SRRM3: variants seen among roughly 807,000 people sequenced by gnomAD.
The protein encoded by SRRM3 is serine/arginine repetitive matrix 3, also known as serine/arginine repetitive matrix protein 3.
In SRRM3, 27 loss-of-function variants were observed where a neutral mutation model predicts 66.2. That is an observed-to-expected ratio of 0.41 (90% CI 0.30 to 0.56). SRRM3 has a LOEUF of 0.56. Ranked by LOEUF, SRRM3 falls within the 20% of genes least tolerant of loss-of-function variation. SRRM3 has a pLI of 0.32. For synonymous variants in SRRM3, 391 were observed against 414.9 expected (o/e 0.94, Z 0.70); for missense variants, 918 against 991.9 (o/e 0.93, Z 1.00).
intron 11 of SRRM3, among the ~76,000 whole-genome samples, chr7:76,278,313 C>G (rs1341475916): frequency 6.6e-6 from 1 of 152,064 alleles, no homozygotes; most frequent in Admixed American, 6.6e-5. Context: ...TTGGTGAAAC[C>G]CTGTCTCTAC....
At chr7:76,205,586 T>C (rs1554601057) in intron 1 of SRRM3, among the ~76,000 whole-genome samples, 1 of 152,160 alleles carries the variant, frequency 6.6e-6, no homozygotes, top group Non-Finnish European at 1.5e-5. Flanking sequence ...CTCAATCACC[T>C]CACCTCTGTT....
chr7:76,251,266 G>A (rs1801573955), intron 3 of SRRM3, among the ~76,000 whole-genome samples: 1 of 152,224 alleles, frequency 6.6e-6, no homozygotes, highest in East Asian at 1.9e-4. Flanking sequence ...GTTTTCACAA[G>A]GGGGTAAAAC....
rs1414980573 is a variant in SRRM3 at position 76,252,027 on chromosome 7, C to T, written c.335+3738C>T. 3.9e-5 allele frequency among the ~76,000 whole-genome samples: 6 copies of T among 152,072 alleles called. 1 individual carries two copies. Among genetic ancestry groups the T allele is most frequent in the Admixed American group, 2.0e-4 (3 of 15,266 alleles). On this transcript the variant is annotated intron_variant, in intron 3 of 14. Coordinates refer to ENST00000611745, the MANE Select transcript of SRRM3 (RefSeq NM_001110199.3). ...TGGAGTTTGCACTGAGCCAAGATCA[C>T]GCAACCACACTACAGCCTTGGCAAC...
Position 76,284,172 on chromosome 7 carries a change from C to CTT in SRRM3, c.1733+1089_1733+1090dup, listed in dbSNP as rs61170781. 2.5e-4 allele frequency among the ~76,000 whole-genome samples: 34 copies of CTT among 134,614 alleles called. 1 individual carries two copies. The highest frequency in any genetic ancestry group is 1.3e-3 in the East Asian group (6 of 4,590). The allele number at this position is 134,614 out of a possible 152,430, so 88.3% of individuals were successfully genotyped here. ...GAGAAGCCAGATTGTGCTACTGCTT[C>CTT]TTTTTTTTTTTTTTTTTTTAAGACG... On this transcript the variant is annotated intron_variant, in intron 14 of 14. Transcript: ENST00000611745.
At chr7:76,251,615 C>T (rs1801584360) in intron 3 of SRRM3, among the ~76,000 whole-genome samples, 1 of 151,978 alleles carries the variant, frequency 6.6e-6, no homozygotes, top group African/African-American at 2.4e-5. Flanking sequence ...ACCTTGTGAT[C>T]CGCCTGCCTT....
At position 76,281,530 on chromosome 7, in the gene SRRM3, G is replaced by A. The variant is rs1213077371; in HGVS notation, c.1098G>A (p.Pro366=). Reference sequence around the variant, plus strand: ...CGCGGGGGAAGGAGAGCCCGAGCCCGCGCTCGGCGCCGTCGTCCCAAGGTC... The same window carrying A: ...CGCGGGGGAAGGAGAGCCCGAGCCCACGCTCGGCGCCGTCGTCCCAAGGTC... The part of the protein sequence containing the change: ...PPARGKESPS[P]RSAPSSQGRG... Residue 366 remains proline (P), a synonymous_variant, in exon 12 of 15, where the codon CCG becomes CCA. Coordinates refer to ENST00000611745, the MANE Select transcript of SRRM3 (RefSeq NM_001110199.3). 42 of 1,173,174 alleles carry A rather than the reference G, an allele frequency of 3.6e-5. No homozygotes were observed. Among genetic ancestry groups the A allele is most frequent in the Non-Finnish European group, 4.3e-5 (41 of 949,426 alleles). The allele number at this position is 1,173,174 out of a possible 1,614,324, so 72.7% of individuals were successfully genotyped here. A position where few individuals can be genotyped will look rare whatever the true frequency, so the allele number is the denominator to read the frequency against.
intron 2 of SRRM3, among the ~76,000 whole-genome samples, chr7:76,243,225 C>G (rs1554605809): frequency 6.6e-6 from 1 of 152,178 alleles, no homozygotes; most frequent in African/African-American, 2.4e-5. Context: ...GGCCACAGAA[C>G]TGGGAAGTGG....
At chr7:76,218,730 T>C (rs1326209514) in intron 1 of SRRM3, among the ~76,000 whole-genome samples, 1 of 147,450 alleles carries the variant, frequency 6.8e-6, no homozygotes, top group Non-Finnish European at 1.5e-5. Context: ...CCAGGCTGGA[T>C]TGCAGTGGTG....
chr7:76,249,902 A>G (rs1174343274), intron 3 of SRRM3, among the ~76,000 whole-genome samples: 1 of 152,078 alleles, frequency 6.6e-6, no homozygotes, highest in African/African-American at 2.4e-5. Flanking sequence ...AATAAATCTT[A>G]GCCTACATGC....
Position 76,264,831 on chromosome 7 carries a change from A to G in SRRM3, c.725+16A>G. ...AGAAGAAGAGGTAAGCGCCCTCCCTACTCTCCAGCCCCCCATTCGTTCTCC... is the reference window on the plus strand; with the variant it reads ...AGAAGAAGAGGTAAGCGCCCTCCCTGCTCTCCAGCCCCCCATTCGTTCTCC... On this transcript the variant is annotated intron_variant, in intron 9 of 14. Transcript: ENST00000611745. 2 of 1,612,654 alleles carry G rather than the reference A, an allele frequency of 1.2e-6. No homozygotes were observed. Among genetic ancestry groups the G allele is most frequent in the South Asian group, 2.2e-5 (2 of 91,016 alleles).
intron 3 of SRRM3, among the ~76,000 whole-genome samples, chr7:76,248,807 C>T (rs552297815): frequency 6.6e-6 from 1 of 151,908 alleles, no homozygotes; most frequent in South Asian, 2.1e-4. Flanking sequence ...CGTCGAAACC[C>T]TGTCTCTACT....
intron 1 of SRRM3, among the ~76,000 whole-genome samples, chr7:76,216,326 C>T (rs1554602593): frequency 6.6e-6 from 1 of 152,032 alleles, no homozygotes; most frequent in Non-Finnish European, 1.5e-5. Context: ...GGATTACAGG[C>T]GTGAGCCACC....
intron 11 of SRRM3, among the ~76,000 whole-genome samples, chr7:76,279,265 A>G (rs1300129632): frequency 1.3e-5 from 2 of 151,996 alleles, no homozygotes; most frequent in African/African-American, 4.8e-5. Context: ...TCTCAAAAAG[A>G]AAGAAAAAAG....
chr7:76,214,820 G>T (rs139136114), intron 1 of SRRM3, among the ~76,000 whole-genome samples: 114 of 152,116 alleles, frequency 7.5e-4, no homozygotes, highest in African/African-American at 2.7e-3. Flanking sequence ...TGTTGCCCAG[G>T]CTGGTCTAGA....
At chr7:76,283,774 T>TG in intron 14 of SRRM3, 1 of 985,420 alleles carries the variant, frequency 1.0e-6, no homozygotes, top group South Asian at 4.7e-5. Context: ...AGGGCGTGGC[T>TG]GGTGAAGCCA....
Position 76,285,936 on chromosome 7 carries a change from G to A in SRRM3, c.*93G>A. 1 of 1,342,492 alleles carries A rather than the reference G, an allele frequency of 7.4e-7. No individual in the cohort carries two copies. Among genetic ancestry groups the A allele is most frequent in the Non-Finnish European group, 1.0e-6 (1 of 993,676 alleles). The allele number at this position is 1,342,492 out of a possible 1,614,324, so 83.2% of individuals were successfully genotyped here. A position where few individuals can be genotyped will look rare whatever the true frequency, so the allele number is the denominator to read the frequency against. On this transcript the variant is annotated 3_prime_UTR_variant, in exon 15 of 15. Transcript: ENST00000611745. The surrounding 1 kb of genome is among the most constrained non-coding windows in gnomAD (Gnocchi z 4.1). ...AGTGGGGAGGGGGCTATATCTCCTT[G>A]CCCCCAAGGCTACAAAGAGGTCTCA...
intron 3 of SRRM3, 64 bp from the exon 4 acceptor site, chr7:76,259,842 G>C (rs915754615): frequency 1.9e-6 from 3 of 1,595,232 alleles, no homozygotes; most frequent in Non-Finnish European, 2.5e-6. Context: ...GGCCCCCTGC[G>C]CCGAGAAAAG....
In SRRM3 at chr7:76,261,771, T is replaced by G. The variant is rs372755655; in HGVS notation, c.674+190T>G. ...CATGAAAACCAACTGTTTGCAACCCTTGCCTGCCCCATGCATCAGCCATGA... is the reference window on the plus strand; with the variant it reads ...CATGAAAACCAACTGTTTGCAACCCGTGCCTGCCCCATGCATCAGCCATGA... On this transcript the variant is annotated intron_variant, in intron 8 of 14. Transcript: ENST00000611745. Among the ~76,000 whole-genome samples the G allele has an allele frequency of 1.6e-4, 25 of 152,048 alleles. No individual in the cohort carries two copies. The East Asian group carries it at 2.7e-3, about 17-fold the overall frequency.
In SRRM3 at chr7:76,282,948, C is replaced by T. The variant is rs1802565669; in HGVS notation, c.1596-16C>T. 7.5e-7 allele frequency: 1 copy of T among 1,329,746 alleles called. No individual in the cohort carries two copies. Among genetic ancestry groups the T allele is most frequent in the South Asian group, 2.0e-5 (1 of 50,280 alleles). 82.4% of individuals were successfully genotyped at this position (1,329,746 alleles called of 1,614,324 possible). ...GCCGGGCCGCGTCGCTCACTTACCTCGCGCCGGCCCCGCAGGGACAAGGAC... is the reference window on the plus strand; with the variant it reads ...GCCGGGCCGCGTCGCTCACTTACCTTGCGCCGGCCCCGCAGGGACAAGGAC... On this transcript the variant is annotated splice_polypyrimidine_tract_variant and intron_variant, in intron 13 of 14. Coordinates refer to ENST00000611745, the MANE Select transcript of SRRM3 (RefSeq NM_001110199.3).
Sources: allele counts gnomAD v4.1 joint callset (sites outside exome capture counted in the v4.1 genomes callset), GRCh38; gene constraint gnomAD v4.1.1; non-coding constraint Gnocchi (gnomAD v3.1); transcripts MANE v1.5; gene names NCBI Gene and HGNC (gene_info 2026-07-23, HGNC 2026-07-21).